PTPRT: variants seen among roughly 807,000 people sequenced by gnomAD.
PTPRT encodes the protein receptor-type tyrosine-protein phosphatase T.
Under a neutral mutation model 176.8 loss-of-function variants are expected in PTPRT, and 56 were observed. That is an observed-to-expected ratio of 0.32 (90% confidence interval 0.26 to 0.40). The LOEUF (loss-of-function observed/expected upper bound fraction) is 0.40. Ranked by LOEUF, PTPRT falls within the 10% of genes least tolerant of loss-of-function variation. The probability of loss-of-function intolerance (pLI) is 1.00; values close to 1 mark genes in which losing one functional copy is unlikely to be tolerated. For synonymous variants in PTPRT, 783 were observed against 739.0 expected (o/e 1.06, Z -0.96); for missense variants, 1,540 against 1,908.2 (o/e 0.81, Z 3.60).
intron 7 of PTPRT, among the ~76,000 whole-genome samples, chr20:42,558,483 C>A (rs185828466): frequency 6.6e-6 from 1 of 151,996 alleles, no homozygotes; most frequent in African/African-American, 2.4e-5. Flanking sequence ...TGAGTATAAT[C>A]GTAATGGGGC....
chr20:42,350,214 GTTTTTTTTTTTTTTTTT>G (rs764181357), intron 11 of PTPRT, among the ~76,000 whole-genome samples: 6 of 58,290 alleles, frequency 1.0e-4, no homozygotes, highest in Admixed American at 3.9e-4. Flanking sequence ...GATGTTTCTT[GTTTTTTTTTTTTTTTTT>G]TTTTTTTTTT....
intron 1 of PTPRT, among the ~76,000 whole-genome samples, chr20:43,115,748 C>T (rs2013035988): frequency 6.6e-6 from 1 of 152,158 alleles, no homozygotes; most frequent in Non-Finnish European, 1.5e-5. Context: ...ACAGCACAGC[C>T]TTTGGGTCCA....
chr20:42,380,395 G>C (rs1294230681), intron 9 of PTPRT, among the ~76,000 whole-genome samples: 1 of 152,158 alleles, frequency 6.6e-6, no homozygotes, highest in East Asian at 1.9e-4. Context: ...TGCCTCAGAT[G>C]TGGAACAACC....
At chr20:43,078,237 T>C (rs2011331938) in intron 1 of PTPRT, among the ~76,000 whole-genome samples, 1 of 152,224 alleles carries the variant, frequency 6.6e-6, no homozygotes, top group African/African-American at 2.4e-5. Flanking sequence ...TTTGTCATTA[T>C]AAATTAGTAA....
intron 1 of PTPRT, among the ~76,000 whole-genome samples, chr20:43,143,320 C>T (rs537582846): frequency 2.6e-5 from 4 of 152,354 alleles, no homozygotes; most frequent in African/African-American, 7.2e-5. Flanking sequence ...AAAAATTCAA[C>T]AGCTCACTGG....
intron 6 of PTPRT, among the ~76,000 whole-genome samples, chr20:42,721,773 C>T (rs576620783): frequency 2.6e-5 from 4 of 152,336 alleles, no homozygotes; most frequent in African/African-American, 4.8e-5. Flanking sequence ...CATCCATGCA[C>T]GCACACACAG....
chr20:42,439,404 G>A (rs142874952), intron 9 of PTPRT, among the ~76,000 whole-genome samples: 1 of 152,146 alleles, frequency 6.6e-6, no homozygotes, highest in Non-Finnish European at 1.5e-5. Context: ...CATGCAAAGG[G>A]ATATTGACAG....
intron 9 of PTPRT, among the ~76,000 whole-genome samples, chr20:42,408,517 G>T (rs2058982359): frequency 6.6e-6 from 1 of 151,750 alleles, no homozygotes; most frequent in African/African-American, 2.4e-5. Flanking sequence ...TGCAGTCAGG[G>T]AATCTACAAG....
intron 7 of PTPRT, among the ~76,000 whole-genome samples, chr20:42,586,021 G>A (rs1005593780): frequency 3.3e-5 from 5 of 151,898 alleles, no homozygotes; most frequent in African/African-American, 7.3e-5. Context: ...TTGTACTGTC[G>A]GTCCTTTTTA....
At chr20:42,496,371 T>C (rs953965822) in intron 7 of PTPRT, among the ~76,000 whole-genome samples, 1 of 152,230 alleles carries the variant, frequency 6.6e-6, no homozygotes, top group Non-Finnish European at 1.5e-5. Flanking sequence ...CCTCTTGCTT[T>C]AGTTTCAGTG....
At chr20:42,335,697 AG>A (rs1206753988) in intron 11 of PTPRT, among the ~76,000 whole-genome samples, 2 of 152,226 alleles carry the variant, frequency 1.3e-5, no homozygotes, top group African/African-American at 2.4e-5. Flanking sequence ...AGAAATTGGC[AG>A]AAAAGAAAAG....
chr20:42,999,632 TGTGGTG>T (rs140090174), intron 1 of PTPRT, among the ~76,000 whole-genome samples: 42 of 151,268 alleles, frequency 2.8e-4, no homozygotes, highest in East Asian at 1.4e-3. Context: ...TTGTTGTTGT[TGTGGTG>T]GTTGTTGTTG....
At chr20:43,167,597 G>T (rs1600766149) in intron 1 of PTPRT, among the ~76,000 whole-genome samples, 1 of 152,218 alleles carries the variant, frequency 6.6e-6, no homozygotes, top group Admixed American at 6.5e-5. Context: ...GCATGGTAAA[G>T]GTGACGGGAT....
At chr20:43,174,895 A>G (rs188739465) in intron 1 of PTPRT, among the ~76,000 whole-genome samples, 37 of 152,350 alleles carry the variant, frequency 2.4e-4, no homozygotes, top group African/African-American at 8.7e-4. Flanking sequence ...AAAGATATCC[A>G]ATGATTTGGT....
At chr20:42,421,073 CT>C (rs2145769597) in intron 9 of PTPRT, among the ~76,000 whole-genome samples, 1 of 152,254 alleles carries the variant, frequency 6.6e-6, no homozygotes, top group East Asian at 1.9e-4. Flanking sequence ...TGATCCAGAA[CT>C]GCTTCTTCTT....
intron 1 of PTPRT, among the ~76,000 whole-genome samples, chr20:43,053,342 C>T (rs960463938): frequency 5.3e-5 from 8 of 152,174 alleles, no homozygotes; most frequent in African/African-American, 1.7e-4. Flanking sequence ...CCTCTTTGGT[C>T]CCTTGCCCCT....
At chr20:42,460,143 A>G (rs1160867752) in intron 8 of PTPRT, among the ~76,000 whole-genome samples, 3 of 152,206 alleles carry the variant, frequency 2.0e-5, no homozygotes, top group African/African-American at 7.2e-5. Context: ...AGACAGCTGG[A>G]TAAATGACTC....
chr20:42,515,807 A>T (rs1041735384), intron 7 of PTPRT, among the ~76,000 whole-genome samples: 6 of 151,590 alleles, frequency 4.0e-5, no homozygotes, highest in Non-Finnish European at 8.8e-5. Flanking sequence ...ATGCACACGT[A>T]TGTTTATTGC....
intron 19 of PTPRT, among the ~76,000 whole-genome samples, chr20:42,126,486 G>A (rs907979919): frequency 1.3e-5 from 2 of 152,172 alleles, no homozygotes; most frequent in South Asian, 2.1e-4. Flanking sequence ...AGGTGATGTT[G>A]GTACATGAAA....
Sources: allele counts gnomAD v4.1 joint callset (sites outside exome capture counted in the v4.1 genomes callset), GRCh38; gene constraint gnomAD v4.1.1; transcripts MANE v1.5; gene names NCBI Gene and HGNC (gene_info 2026-07-23, HGNC 2026-07-21).